The following SCUBE1 variants were observed in gnomAD, a reference collection of about 807,000 sequenced individuals.
The protein encoded by SCUBE1 is signal peptide, CUB domain and EGF like domain containing 1.
A neutral mutation model predicts 124.4 loss-of-function variants in SCUBE1; 59 were observed. The observed-to-expected ratio is 0.47, with a 90% CI of 0.38 to 0.59. The LOEUF (loss-of-function observed/expected upper bound fraction) is 0.59, where lower values mean the gene tolerates loss of function less well. Among genes scored for constraint, SCUBE1 ranks in the 20% least tolerant of loss-of-function variants. The probability of loss-of-function intolerance (pLI) is 0.00; values close to 1 mark genes in which losing one functional copy is unlikely to be tolerated. For synonymous variants in SCUBE1, 545 were observed against 550.9 expected, an observed-to-expected ratio of 0.99 and a Z score of 0.15; for missense variants, 1,150 against 1,371.2, an observed-to-expected ratio of 0.84 and a Z score of 2.55.
At chr22:43,291,416 G>A (rs1041816733) in intron 3 of SCUBE1, among the ~76,000 whole-genome samples, 1 of 152,198 alleles carries the variant, frequency 6.6e-6, no homozygotes, top group Non-Finnish European at 1.5e-5. Context: ...TAGTGGTACA[G>A]TGGGCCTCCA....
chr22:43,210,805 CG>C lies in SCUBE1; in HGVS notation c.2383+116del. The stretch of plus-strand genomic sequence containing the variant: ...GCACCCGAGAGCAGACGGGACGGAG[CG>C]GGAGGAGTCCAGTGTCCTCGTGGAG... On this transcript the variant is annotated intron_variant, in intron 18 of 21. Transcript: ENST00000360835. The surrounding 1 kb of genome is among the most constrained non-coding windows in gnomAD (Gnocchi z 4.5). The C allele has an allele frequency of 8.1e-7, 1 of 1,230,044 alleles. No homozygotes were observed. Among genetic ancestry groups the C allele is most frequent in the East Asian group, 2.4e-5 (1 of 42,218 alleles). The allele number at this position is 1,230,044 out of a possible 1,614,324, so 76.2% of individuals were successfully genotyped here.
At chr22:43,221,107 C>G in intron 13 of SCUBE1, 66 bp downstream of exon 13, 4 of 1,310,228 alleles carry the variant, frequency 3.1e-6, no homozygotes, top group Non-Finnish European at 4.3e-6. Context: ...GGGGCCCCAG[C>G]TCCCAGGCAT....
intron 4 of SCUBE1, among the ~76,000 whole-genome samples, chr22:43,286,023 A>C (rs1181805887): frequency 6.6e-6 from 1 of 152,128 alleles, no homozygotes; most frequent in African/African-American, 2.4e-5. Context: ...AGCACCTGGC[A>C]CGTGTCAGCA....
At chr22:43,230,910 T>A (rs542326172) in intron 8 of SCUBE1, among the ~76,000 whole-genome samples, 2 of 152,284 alleles carry the variant, frequency 1.3e-5, no homozygotes, top group Admixed American at 1.3e-4. Context: ...AAGCACAGCC[T>A]GGTACCCAGA....
chr22:43,296,425 A>G (rs775223994), intron 3 of SCUBE1, among the ~76,000 whole-genome samples: 2 of 152,210 alleles, frequency 1.3e-5, no homozygotes, highest in Non-Finnish European at 2.9e-5. Flanking sequence ...CTGGCAGCTC[A>G]TGGTCCTTCA....
chr22:43,231,044 C>T (rs1390122171), intron 8 of SCUBE1, among the ~76,000 whole-genome samples: 2 of 152,214 alleles, frequency 1.3e-5, no homozygotes, highest in Non-Finnish European at 1.5e-5. Flanking sequence ...ACCCCCTGCA[C>T]TTTCTCCCAG....
rs143324879 is a variant in SCUBE1, at chr22:43,308,819, A to G, written c.349+11118T>C. On this transcript the variant is annotated intron_variant, in intron 3 of 21. Coordinates refer to ENST00000360835, the MANE Select transcript of SCUBE1 (RefSeq NM_173050.5). ...AGCCTCAAGTGCCACTTGCACATCC[A>G]TCTCCTCAACTGATCCTAACAGACA... Among the ~76,000 whole-genome samples the G allele has an allele frequency of 7.1e-3, 1,083 of 152,276 alleles. 7 individuals are homozygous for G. Among genetic ancestry groups the G allele is most frequent in the African/African-American group, 0.025 (1,021 of 41,548 alleles).
At chr22:43,206,033 CCA>C (rs138214882) in intron 21 of SCUBE1, among the ~76,000 whole-genome samples, 1,876 of 134,260 alleles carry the variant, frequency 0.014, 94 homozygotes, top group African/African-American at 0.051. Flanking sequence ...CACCCACTCA[CCA>C]CACACTCACC....
chr22:43,220,066 C>T (rs1275146909), intron 14 of SCUBE1, among the ~76,000 whole-genome samples: 3 of 152,298 alleles, frequency 2.0e-5, no homozygotes, highest in South Asian at 2.1e-4. Context: ...CTGTGACACC[C>T]GAGCCAGCAT....
intron 8 of SCUBE1, 74 bp from the exon 9 acceptor site, chr22:43,229,262 C>T: frequency 1.9e-6 from 2 of 1,027,810 alleles, no homozygotes; most frequent in Non-Finnish European, 3.1e-6. Context: ...CTGTCACTCT[C>T]AGTCACTCAA....
chr22:43,301,630 C>A (rs965448822), intron 3 of SCUBE1, among the ~76,000 whole-genome samples: 1 of 152,194 alleles, frequency 6.6e-6, no homozygotes, highest in African/African-American at 2.4e-5. Context: ...CATTCTGCAA[C>A]GTGTCCCTCC....
intron 2 of SCUBE1, among the ~76,000 whole-genome samples, chr22:43,336,022 T>C (rs1927068843): frequency 1.3e-5 from 2 of 152,068 alleles, no homozygotes; most frequent in South Asian, 4.2e-4. Flanking sequence ...CAGATGATGA[T>C]AATGACAGGA....
chr22:43,240,106 C>G (rs946107358), intron 6 of SCUBE1, among the ~76,000 whole-genome samples: 14 of 151,960 alleles, frequency 9.2e-5, no homozygotes, highest in African/African-American at 1.9e-4. Context: ...ATGTTCCCCT[C>G]TGTGTGTGTG....
chr22:43,221,435 G>A, intron 12 of SCUBE1, 146 bp from the exon 13 acceptor site: 1 of 638,402 alleles, frequency 1.6e-6, no homozygotes, highest in Non-Finnish European at 2.8e-6. Flanking sequence ...CTCTCCTGGG[G>A]TGGGGGACCC....
At chr22:43,279,657 G>A (rs1331751542) in intron 4 of SCUBE1, among the ~76,000 whole-genome samples, 1 of 152,124 alleles carries the variant, frequency 6.6e-6, no homozygotes, top group Non-Finnish European at 1.5e-5. Flanking sequence ...CTTTTTTGCT[G>A]ACTGATGGCG....
chr22:43,267,418 G>C (rs1449199945), intron 4 of SCUBE1, among the ~76,000 whole-genome samples: 1 of 152,226 alleles, frequency 6.6e-6, no homozygotes, highest in African/African-American at 2.4e-5. Context: ...AGGAGGCAAG[G>C]CTAGAATTTT....
chr22:43,305,840 A>G (rs887876562), intron 3 of SCUBE1, among the ~76,000 whole-genome samples: 4 of 152,188 alleles, frequency 2.6e-5, no homozygotes, highest in African/African-American at 9.6e-5. Flanking sequence ...TAAAGACCCC[A>G]GGCCAAGCAG....
chr22:43,221,221 G>A lies in SCUBE1; in HGVS notation c.1501C>T (p.Pro501Ser), dbSNP rs371329804. 2.5e-6 allele frequency: 4 copies of A among 1,611,524 alleles called. No individual in the cohort carries two copies. Among genetic ancestry groups the A allele is most frequent in the South Asian group, 1.1e-5 (1 of 91,076 alleles). ...KIRDAKCHLRPHSQARAKETA... is the reference protein window; with the variant it reads ...KIRDAKCHLRSHSQARAKETA... ...TCCTTTGCTCGTGCCTGGCTGTGGGGCCGGAGGTGGCACTTGGCATCTCGG... is the reference window on the plus strand; with the variant it reads ...TCCTTTGCTCGTGCCTGGCTGTGGGACCGGAGGTGGCACTTGGCATCTCGG... The change falls in exon 13 of 22, where the codon CCC becomes TCC. Residue 501 changes from proline to serine, a missense_variant. Physicochemically the swap from Pro to Ser is moderately conservative, Grantham distance 74 (BLOSUM62 -1). This residue lies in a region of SCUBE1 where 757 missense variants were observed against 840.9 expected (regional missense o/e 0.90). Transcript: ENST00000360835.
At chr22:43,215,906 C>T (rs890823989) in intron 15 of SCUBE1, among the ~76,000 whole-genome samples, 1 of 144,360 alleles carries the variant, frequency 6.9e-6, no homozygotes, top group South Asian at 2.2e-4. Context: ...CATGCATGCA[C>T]ACTCACACAC....
Sources: allele counts gnomAD v4.1 joint callset (sites outside exome capture counted in the v4.1 genomes callset), GRCh38; gene constraint gnomAD v4.1.1; regional missense constraint gnomAD v4.1.1; non-coding constraint Gnocchi (gnomAD v3.1); transcripts MANE v1.5; gene names NCBI Gene and HGNC (gene_info 2026-07-23, HGNC 2026-07-21).